Variants in MYH2 observed in about 807,000 individuals in gnomAD.
MYH2 encodes myosin-2.
In MYH2, 139 loss-of-function variants were observed where a neutral mutation model predicts 228.1. The ratio of observed to expected loss-of-function variants is 0.61; its 90% confidence interval spans 0.53 to 0.70. MYH2 has a LOEUF of 0.70. MYH2 is among the 30% of genes least tolerant of loss of function. MYH2 has a pLI of 0.00. For missense variants in MYH2, 1,809 were observed against 2,357.5 expected (o/e 0.77, Z 4.82); for synonymous variants, 796 against 871.1 (o/e 0.91, Z 1.52).
At chr17:10,539,675 G>A in intron 12 of MYH2, 113 bp from the exon 13 acceptor site, 2 of 1,244,678 alleles carry the variant, frequency 1.6e-6, no homozygotes, top group Non-Finnish European at 2.3e-6. Flanking sequence ...ATCTCTTTCT[G>A]AGTATCCTTA....
At position 10,547,868 on chromosome 17, in the gene MYH2, C is replaced by T. The variant is rs747990808; in HGVS notation, c.53G>A (p.Arg18Gln). Residue 18 changes from arginine to glutamine, a missense_variant, in exon 3 of 40, where the codon CGA (arginine) becomes CAA (glutamine). Arg to Gln is a conservative substitution (Grantham distance 43, BLOSUM62 1). Around this residue, in one of 9 missense-constraint regions of MYH2, gnomAD observed 84 missense variants for 81.8 expected, o/e 1.03. Coordinates refer to ENST00000245503, the MANE Select transcript of MYH2 (RefSeq NM_017534.6). ...AVFGEAAPFL[R>Q]KSERERIEAQ... is the part of the protein sequence containing the mutation. ...CTCAATGCGCTCCCTTTCAGACTTT[C>T]GGAGGAAAGGAGCAGCCTCCCCAAA... 1.9e-5 allele frequency: 30 copies of T among 1,614,044 alleles called. No homozygotes were observed. Among genetic ancestry groups the T allele is most frequent in the Non-Finnish European group, 1.9e-5 (23 of 1,180,034 alleles).
chr17:10,540,113 C>T, intron 11 of MYH2, 47 bp from the exon 12 acceptor site: 1 of 1,611,842 alleles, frequency 6.2e-7, no homozygotes, highest in Non-Finnish European at 8.5e-7. Flanking sequence ...GATCCACACG[C>T]TTACTGTTAA....
In MYH2 at chr17:10,523,123, T is replaced by C; in HGVS notation, c.5640A>G (p.Lys1880=). 3 of 1,613,932 alleles carry C rather than the reference T, an allele frequency of 1.9e-6. No individual in the cohort carries two copies. The highest frequency in any genetic ancestry group is 8.5e-7 in the Non-Finnish European group (1 of 1,179,766). The change falls in exon 39 of 40, where the codon AAA becomes AAG. Residue 1880 remains lysine (K), a synonymous_variant. Transcript: ENST00000245503. The part of the protein sequence containing the change: ...LQDLVDKLQA[K]VKSYKRQAEE... ...CAGCTTGTCTCTTATAAGATTTCAC[T>C]TTTGCCTGAAGTTTATCTACCAAAT...
chr17:10,522,086 G>T (rs1421996137), intron 39 of MYH2, among the ~76,000 whole-genome samples: 1 of 152,136 alleles, frequency 6.6e-6, no homozygotes, highest in African/African-American at 2.4e-5. Context: ...TCCTCTCTTG[G>T]GCAGGTTTTG....
In MYH2 at chr17:10,525,180, A is replaced by G; in HGVS notation, c.4662+44T>C. On this transcript the variant is annotated intron_variant, in intron 33 of 39. Transcript: ENST00000245503. This position sits in a 1 kb window ranked among gnomAD's most constrained non-coding sequence, Gnocchi z 4.2. ...TTATTCACTCTATGCAGATGTACCTAATTATTTTCCAGATTTTTTTATAAT... is the reference window on the plus strand; with the variant it reads ...TTATTCACTCTATGCAGATGTACCTGATTATTTTCCAGATTTTTTTATAAT... The G allele has an allele frequency of 1.9e-6, 3 of 1,613,752 alleles. No homozygotes were observed. The highest frequency in any genetic ancestry group is 2.5e-6 in the Non-Finnish European group (3 of 1,179,892).
chr17:10,549,454 C>T (rs1025362208), intron 1 of MYH2, 37 bp from the exon 2 acceptor site: 4 of 152,710 alleles, frequency 2.6e-5, no homozygotes, highest in Non-Finnish European at 5.9e-5. Flanking sequence ...GATTAGTTGA[C>T]CAAAAAGAGG....
At chr17:10,527,604 T>G in intron 28 of MYH2, 144 bp downstream of exon 28, 1 of 1,275,628 alleles carries the variant, frequency 7.8e-7, no homozygotes, top group South Asian at 1.2e-5. Context: ...AAGATGACCT[T>G]GCACATAGGT....
Position 10,525,674 on chromosome 17 carries a change from A to G in MYH2, c.4371+19T>C. The G allele has an allele frequency of 6.2e-7, 1 of 1,614,212 alleles. No homozygotes were observed. The highest frequency in any genetic ancestry group is 8.5e-7 in the Non-Finnish European group (1 of 1,180,036). ...GACAAAAGAGTAGAGTAAAGAGCAGAAGATGCTGGAGGAATTACCTTATCG... is the reference window on the plus strand; with the variant it reads ...GACAAAAGAGTAGAGTAAAGAGCAGGAGATGCTGGAGGAATTACCTTATCG... On this transcript the variant is annotated intron_variant, in intron 31 of 39. Transcript: ENST00000245503. This position sits in a 1 kb window ranked among gnomAD's most constrained non-coding sequence, Gnocchi z 4.2.
In MYH2 at chr17:10,529,620, C is replaced by T. The variant is rs1212639545; in HGVS notation, c.3061G>A (p.Asp1021Asn). Residue 1021 changes from aspartate (D) to asparagine (N), a missense_variant, in exon 24 of 40, where the codon GAC (aspartate) becomes AAC (asparagine). Physicochemically the swap from Asp to Asn is conservative, Grantham distance 23. Around this residue, in one of 9 missense-constraint regions of MYH2, gnomAD observed 636 missense variants for 729.9 expected, o/e 0.87. Transcript: ENST00000245503. Reference sequence around the variant, plus strand: ...GCTTTGGTCAGGGTGTTGACTTTGTCCTCCTCTGCCTGCAGGTCATCCAGG... The same window carrying T: ...GCTTTGGTCAGGGTGTTGACTTTGTTCTCCTCTGCCTGCAGGTCATCCAGG... ...QTLDDLQAEE[D>N]KVNTLTKAKI... The T allele has an allele frequency of 6.2e-7, 1 of 1,614,068 alleles. No individual in the cohort carries two copies. Among genetic ancestry groups the T allele is most frequent in the Non-Finnish European group, 8.5e-7 (1 of 1,180,026 alleles).
chr17:10,524,971 T>C lies in MYH2; in HGVS notation c.4757A>G (p.Asp1586Gly). 6.2e-7 allele frequency: 1 copy of C among 1,614,152 alleles called. No homozygotes were observed. Among genetic ancestry groups the C allele is most frequent in the East Asian group, 2.2e-5 (1 of 44,876 alleles). Residue 1586 changes from aspartate to glycine, a missense_variant, in exon 34 of 40, where the codon GAT (aspartate) becomes GGT (glycine). Coordinates refer to ENST00000245503, the MANE Select transcript of MYH2 (RefSeq NM_017534.6). The surrounding 1 kb of genome is among the most constrained non-coding windows in gnomAD (Gnocchi z 4.7). ...SEVDRKIAEK[D>G]EEIDQLKRNH... ...TCTCTTCAGCTGGTCAATTTCCTCA[T>C]CTTTTTCAGCAATTTTCCTATCAAC...
Position 10,545,459 on chromosome 17 carries a change from CA to C in MYH2, c.391del (p.Trp131GlyfsTer10). 6.2e-7 allele frequency: 1 copy of C among 1,614,186 alleles called. No individual in the cohort carries two copies. The highest frequency in any genetic ancestry group is 8.5e-7 in the Non-Finnish European group (1 of 1,180,030). On this transcript the variant is annotated frameshift_variant, in exon 5 of 40. Coordinates refer to ENST00000245503, the MANE Select transcript of MYH2 (RefSeq NM_017534.6). LOFTEE classifies it high-confidence loss of function. The stretch of plus-strand genomic sequence containing the variant: ...CACCTCGGGCTTATACACAGGCAGC[CA>C]CTTGTAGGGGTTGACAGTGACACAG... ...LFCVTVNPYK[W>X]LPVYKPEVVT...
In MYH2 at chr17:10,537,894, A is replaced by G. The variant is rs1476365655; in HGVS notation, c.1417-59T>C. 6.2e-7 allele frequency: 1 copy of G among 1,613,488 alleles called. No homozygotes were observed. The highest frequency in any genetic ancestry group is 2.2e-5 in the East Asian group (1 of 44,870). On this transcript the variant is annotated intron_variant, in intron 14 of 39. Coordinates refer to ENST00000245503, the MANE Select transcript of MYH2 (RefSeq NM_017534.6). The surrounding 1 kb of genome is among the most constrained non-coding windows in gnomAD (Gnocchi z 4.0). ...GCAAATTGAGTATTTTTTAAAATAC[A>G]GAACTTTTCCATTTTAAAAATATGT...
intron 14 of MYH2, among the ~76,000 whole-genome samples, chr17:10,538,821 T>C (rs540404415): frequency 6.6e-6 from 1 of 152,270 alleles, no homozygotes; most frequent in East Asian, 1.9e-4. Context: ...TATTTCGTAA[T>C]CAAATATGAA....
Position 10,533,432 on chromosome 17 carries a change from A to T in MYH2, c.2305-11T>A. ...AGCTTTGAAAAAGACCTGTGAATGGAAAGAGTTGCAAATCACAAGCTTTAA... is the reference window on the plus strand; with the variant it reads ...AGCTTTGAAAAAGACCTGTGAATGGTAAGAGTTGCAAATCACAAGCTTTAA... On this transcript the variant is annotated splice_polypyrimidine_tract_variant and intron_variant, in intron 20 of 39. Transcript: ENST00000245503. 6.2e-7 allele frequency: 1 copy of T among 1,614,176 alleles called. No individual in the cohort carries two copies. Among genetic ancestry groups the T allele is most frequent in the Non-Finnish European group, 8.5e-7 (1 of 1,180,036 alleles).
In MYH2 at chr17:10,525,324, T is replaced by G; in HGVS notation, c.4562A>C (p.Gln1521Pro). ...LQQEISDLTE[Q>P]IAEGGKRIHE... ...GATACGTTTCCCTCCTTCTGCAATC[T>G]GTTCCGTGAGGTCAGAAATCTCCTC... The change falls in exon 33 of 40, where the codon CAG becomes CCG. Residue 1521 changes from glutamine to proline, a missense_variant. This residue lies in a region of MYH2 where 636 missense variants were observed against 729.9 expected (regional missense o/e 0.87). Coordinates refer to ENST00000245503, the MANE Select transcript of MYH2 (RefSeq NM_017534.6). The surrounding 1 kb of genome is among the most constrained non-coding windows in gnomAD (Gnocchi z 4.2). 1 of 1,614,196 alleles carries G rather than the reference T, an allele frequency of 6.2e-7. No homozygotes were observed. The highest frequency in any genetic ancestry group is 1.1e-5 in the South Asian group (1 of 91,082).
At chr17:10,532,183 A>G (rs2073432950) in intron 21 of MYH2, among the ~76,000 whole-genome samples, 1 of 152,172 alleles carries the variant, frequency 6.6e-6, no homozygotes, top group Admixed American at 6.5e-5. Context: ...TCTAGGGTGG[A>G]GCCTGAAAAT....
At position 10,533,616 on chromosome 17, in the gene MYH2, C is replaced by T. The variant is rs2073450419; in HGVS notation, c.2197G>A (p.Ala733Thr). 3 of 1,614,122 alleles carry T rather than the reference C, an allele frequency of 1.9e-6. No homozygotes were observed. The African/African-American group carries it at 4.0e-5, about 22-fold the overall frequency. The change falls in exon 20 of 40, where the codon GCA (alanine) becomes ACA (threonine). Residue 733 changes from alanine (A) to threonine (T), a missense_variant. This residue lies in a region of MYH2 where 276 missense variants were observed against 344.2 expected (regional missense o/e 0.80). Transcript: ENST00000245503. ...AATTGCCCTTCAGGGATTGCACTTGCATTTAATACCTTGTATCTGTTGAAG... is the reference window on the plus strand; with the variant it reads ...AATTGCCCTTCAGGGATTGCACTTGTATTTAATACCTTGTATCTGTTGAAG... ...DFKQRYKVLN[A>T]SAIPEGQFID...
At chr17:10,544,920 G>T (rs1335675598) in intron 5 of MYH2, among the ~76,000 whole-genome samples, 1 of 152,130 alleles carries the variant, frequency 6.6e-6, no homozygotes, top group African/African-American at 2.4e-5. Context: ...AATTTAGGAT[G>T]CTGAGGCTGA....
chr17:10,533,389 T>G lies in MYH2; in HGVS notation c.2337A>C (p.Leu779=), dbSNP rs762708473. The G allele has an allele frequency of 1.9e-6, 3 of 1,614,180 alleles. No homozygotes were observed. The highest frequency in any genetic ancestry group is 2.5e-6 in the Non-Finnish European group (3 of 1,180,026). The change falls in exon 21 of 40, where the codon CTA becomes CTC. Residue 779 remains leucine (L), a synonymous_variant. Transcript: ENST00000245503. ...VFFKAGLLGL[L]EEMRDDKLAQ... is the part of the protein sequence containing the mutation. ...CCAGCTTGTCATCTCGCATCTCCTC[T>G]AGGAGCCCCAGAAGACCAGCTTTGA...
Sources: allele counts gnomAD v4.1 joint callset (sites outside exome capture counted in the v4.1 genomes callset), GRCh38; gene constraint gnomAD v4.1.1; regional missense constraint gnomAD v4.1.1; non-coding constraint Gnocchi (gnomAD v3.1); transcripts MANE v1.5; gene names NCBI Gene and HGNC (gene_info 2026-07-23, HGNC 2026-07-21).